ATP7A: variants seen among roughly 807,000 people sequenced by gnomAD.
ATP7A encodes the protein copper-transporting ATPase 1.
Under a neutral mutation model 83.5 loss-of-function variants are expected in ATP7A, and 7 were observed. That is an observed-to-expected ratio of 0.08 (90% CI 0.05 to 0.16). The LOEUF is 0.16. Among genes scored for constraint, ATP7A ranks in the 10% least tolerant of loss-of-function variants. The pLI is 1.00. For missense variants in ATP7A, 940 were observed against 1,120.8 expected (o/e 0.84, Z 2.30); for synonymous variants, 354 against 395.2 (o/e 0.90, Z 1.24).
intron 1 of ATP7A, among the ~76,000 whole-genome samples, chrX:77,960,819 T>C (rs2077470331): frequency 8.9e-6 from 1 of 111,951 alleles, no homozygotes; most frequent in African/African-American, 3.2e-5. Flanking sequence ...GTCTCTTTGA[T>C]ACTGTCGTTT....
chrX:78,011,889 G>C (rs868964216), intron 9 of ATP7A: 1 of 438,217 alleles, frequency 2.3e-6, no homozygotes, highest in Admixed American at 3.5e-5. Flanking sequence ...TTTTGGGTTT[G>C]GTATTTATAT....
chrX:77,947,519 A>G (rs1557226285), intron 1 of ATP7A, among the ~76,000 whole-genome samples: 1 of 108,975 alleles, frequency 9.2e-6, no homozygotes, highest in Non-Finnish European at 1.9e-5. Flanking sequence ...GCTCACTGCA[A>G]CCTCCGTCTC....
rs782190952 is a variant in ATP7A at position 77,937,922 on chromosome X, CA to C, written c.-22+27088del. ...ACACACACACACACATACACACACA[CA>C]CACACCCCACTACCCCTCTCTCTCT... is the stretch of plus-strand genomic sequence containing the variant. On this transcript the variant is annotated intron_variant, in intron 1 of 22. Transcript: ENST00000341514. Among the ~76,000 whole-genome samples the C allele has an allele frequency of 9.2e-5, 10 of 108,915 alleles. No individual in the cohort carries two copies. The South Asian group carries it at 3.6e-3, about 39-fold the overall frequency. The allele number at this position is 108,915 out of a possible 115,157, so 94.6% of individuals were successfully genotyped here. A position where few individuals can be genotyped will look rare whatever the true frequency, so the allele number is the denominator to read the frequency against.
At chrX:78,022,534 T>TTTAC (rs1557235920) in intron 14 of ATP7A, among the ~76,000 whole-genome samples, 1 of 110,195 alleles carries the variant, frequency 9.1e-6, no homozygotes, top group Non-Finnish European at 1.9e-5. Flanking sequence ...TATTTATTTA[T>TTTAC]TGCGACAGAG....
At chrX:78,012,130 T>C (rs2077831224) in intron 9 of ATP7A, among the ~76,000 whole-genome samples, 2 of 110,859 alleles carry the variant, frequency 1.8e-5, no homozygotes, top group African/African-American at 6.6e-5. Context: ...ATTTTTGTTA[T>C]TTCTTCCTGG....
intron 3 of ATP7A, 59 bp downstream of exon 3, chrX:77,988,790 C>T: frequency 8.4e-7 from 1 of 1,195,645 alleles, no homozygotes; most frequent in South Asian, 1.8e-5. Flanking sequence ...GATCTTTTAA[C>T]TTTTTGCTTT....
At chrX:78,000,176 T>G (rs1244549048) in intron 5 of ATP7A, among the ~76,000 whole-genome samples, 2 of 111,234 alleles carry the variant, frequency 1.8e-5, no homozygotes, top group Admixed American at 1.9e-4. Flanking sequence ...AGTTCAATAT[T>G]ACCTTGTCTG....
intron 2 of ATP7A, among the ~76,000 whole-genome samples, chrX:77,973,729 T>C (rs1801299991): frequency 8.9e-6 from 1 of 112,004 alleles, no homozygotes; most frequent in Non-Finnish European, 1.9e-5. Context: ...TTAGAATCAG[T>C]TTATAAGTTT....
intron 16 of ATP7A, among the ~76,000 whole-genome samples, chrX:78,031,895 A>C (rs1557237119): frequency 8.9e-6 from 1 of 112,043 alleles, no homozygotes; most frequent in East Asian, 2.8e-4. Context: ...TGTAAACCTC[A>C]TTCCCTGCCC....
chrX:78,011,633 G>A lies in ATP7A; in HGVS notation c.2131G>A (p.Val711Ile), dbSNP rs782268170. The A allele has an allele frequency of 3.9e-5, 47 of 1,209,206 alleles. No individual in the cohort carries two copies. In the Admixed American group the frequency reaches 6.8e-4, roughly 17 times the overall value. ...LERQILPGLS[V>I]MNLLSFLLCV... ...GCGCCAGATTCTTCCAGGATTGTCT[G>A]TTATGAATTTGCTGTCCTTTTTATT... is the stretch of plus-strand genomic sequence containing the variant. Residue 711 changes from valine to isoleucine, a missense_variant, in exon 9 of 23, where the codon GTT becomes ATT. Coordinates refer to ENST00000341514, the MANE Select transcript of ATP7A (RefSeq NM_000052.7).
At position 78,046,720 on chromosome X, in the gene ATP7A, A is replaced by T; in HGVS notation, c.*150A>T. 1 of 794,410 alleles carries T rather than the reference A, an allele frequency of 1.3e-6. No homozygotes were observed. Among genetic ancestry groups the T allele is most frequent in the Non-Finnish European group, 1.8e-6 (1 of 543,705 alleles). 65.5% of individuals were successfully genotyped at this position (794,410 alleles called of 1,213,427 possible). On this transcript the variant is annotated 3_prime_UTR_variant, in exon 23 of 23. Transcript: ENST00000341514. The stretch of plus-strand genomic sequence containing the variant: ...TGAGTTGCGTTTATCTGTTGGCAAA[A>T]ATATCTTTTTCAAGGCATCAGCTCT...
intron 4 of ATP7A, among the ~76,000 whole-genome samples, chrX:77,994,948 C>T (rs1398812495): frequency 1.8e-5 from 2 of 111,777 alleles, no homozygotes; most frequent in Non-Finnish European, 3.8e-5. Flanking sequence ...TGCCCTGCAT[C>T]TGTTAGGGCT....
intron 12 of ATP7A, 56 bp from the exon 13 acceptor site, chrX:78,020,188 T>G: frequency 8.9e-7 from 1 of 1,124,586 alleles, no homozygotes; most frequent in Non-Finnish European, 1.2e-6. Flanking sequence ...AATAATGATA[T>G]GTTTCATGAT....
intron 2 of ATP7A, among the ~76,000 whole-genome samples, chrX:77,985,686 C>CT (rs1557231316): frequency 9.0e-6 from 1 of 110,662 alleles, no homozygotes; most frequent in East Asian, 2.8e-4. Flanking sequence ...GTAAAATAGA[C>CT]TTTTTTTGGG....
chrX:78,023,408 A>C (rs1422873014), intron 14 of ATP7A, among the ~76,000 whole-genome samples: 1 of 112,528 alleles, frequency 8.9e-6, no homozygotes, highest in Non-Finnish European at 1.9e-5. Flanking sequence ...ACTGATTTAC[A>C]TTCCCACCAA....
intron 1 of ATP7A, among the ~76,000 whole-genome samples, chrX:77,954,382 T>C (rs1458729193): frequency 9.0e-6 from 1 of 111,717 alleles, no homozygotes; most frequent in African/African-American, 3.3e-5. Context: ...GACCTCATTA[T>C]CTGCCCACCT....
chrX:78,039,085 A>G (rs978422681), intron 18 of ATP7A, 103 bp downstream of exon 18: 2 of 888,433 alleles, frequency 2.3e-6, no homozygotes, highest in Non-Finnish European at 3.1e-6. Flanking sequence ...ATTCAAAAGC[A>G]TCTTGAATGC....
chrX:78,018,321 A>G (rs1017984842), intron 12 of ATP7A, among the ~76,000 whole-genome samples: 2 of 107,705 alleles, frequency 1.9e-5, no homozygotes, highest in Non-Finnish European at 1.9e-5. Flanking sequence ...CCTGACCAAC[A>G]TGGTGAAACC....
chrX:77,987,901 G>A (rs2077647758), intron 2 of ATP7A, among the ~76,000 whole-genome samples: 1 of 111,119 alleles, frequency 9.0e-6, no homozygotes, highest in Admixed American at 9.6e-5. Context: ...CTTTTCAGTT[G>A]GTAGAGTGTG....
Sources: gnomAD v4.1 joint callset for allele counts (sites outside exome capture counted in the v4.1 genomes callset) on GRCh38, gnomAD v4.1.1 for gene constraint, MANE v1.5 for transcripts, NCBI Gene and HGNC (gene_info 2026-07-23, HGNC 2026-07-21) for gene names.